The following ATAD5 variants were observed in gnomAD, a reference collection of about 807,000 sequenced individuals.
ATAD5 encodes ATPase family AAA domain-containing protein 5.
In ATAD5, 58 loss-of-function variants were observed where a neutral mutation model predicts 176.9. The ratio of observed to expected loss-of-function variants is 0.33; its 90% CI spans 0.27 to 0.41. The LOEUF is 0.41. Ranked by LOEUF, ATAD5 falls within the 10% of genes least tolerant of loss-of-function variation. The pLI, the probability that ATAD5 is intolerant of heterozygous loss-of-function variation, is 1.00. For synonymous variants in ATAD5, 640 were observed against 712.6 expected (o/e 0.90, Z 1.62); for missense variants, 1,789 against 2,094.1 (o/e 0.85, Z 2.84).
At chr17:30,860,150 A>C (rs1414461791) in intron 9 of ATAD5, among the ~76,000 whole-genome samples, 1 of 151,910 alleles carries the variant, frequency 6.6e-6, no homozygotes, top group Non-Finnish European at 1.5e-5. Flanking sequence ...CAGCCTCCCA[A>C]GTAGCTGGGA....
At chr17:30,858,025 T>G in intron 8 of ATAD5, 136 bp from the exon 9 acceptor site, 1 of 707,610 alleles carries the variant, frequency 1.4e-6, no homozygotes, top group Non-Finnish European at 2.0e-6. Flanking sequence ...AATATAGGCG[T>G]GAGCCACCAC....
chr17:30,841,995 G>A (rs995939511), intron 4 of ATAD5, among the ~76,000 whole-genome samples: 1 of 152,124 alleles, frequency 6.6e-6, no homozygotes, highest in Non-Finnish European at 1.5e-5. Context: ...AATGGGATGG[G>A]CACAGTGGCT....
intron 4 of ATAD5, among the ~76,000 whole-genome samples, chr17:30,843,157 G>C (rs1360848462): frequency 1.3e-5 from 2 of 151,862 alleles, no homozygotes; most frequent in African/African-American, 4.8e-5. Context: ...TTCGAGACCA[G>C]CCTGGTCAAC....
At chr17:30,847,716 C>CTTTTTTTTTTTTTTTTTT in intron 6 of ATAD5, among the ~76,000 whole-genome samples, 1 of 139,316 alleles carries the variant, frequency 7.2e-6, no homozygotes, top group Non-Finnish European at 1.6e-5. Context: ...CTGCTATGAA[C>CTTTTTTTTTTTTTTTTTT]ATTTTTTTTT....
At chr17:30,857,634 A>G (rs1164174591) in intron 8 of ATAD5, among the ~76,000 whole-genome samples, 2 of 152,228 alleles carry the variant, frequency 1.3e-5, no homozygotes, top group African/African-American at 4.8e-5. Flanking sequence ...ATTACATAGC[A>G]CATTTAGATA....
intron 5 of ATAD5, among the ~76,000 whole-genome samples, chr17:30,844,293 G>A (rs1478448414): frequency 1.3e-5 from 2 of 151,682 alleles, no homozygotes; most frequent in African/African-American, 4.8e-5. Context: ...CACCATGCCC[G>A]GCTAATTTTT....
chr17:30,834,600 A>G lies in ATAD5; in HGVS notation c.519A>G (p.Gln173=). The stretch of plus-strand genomic sequence containing the variant: ...TAGAGGTACTTGCAGAAAACATTCA[A>G]GATACAAAAAGTCAACCAAATACTA... ...KQVEVLAENI[Q]DTKSQPNTMT... Residue 173 remains glutamine (Q), a synonymous_variant, in exon 2 of 23, where the codon CAA becomes CAG. Coordinates refer to ENST00000321990, the MANE Select transcript of ATAD5 (RefSeq NM_024857.5). 1 of 1,611,400 alleles carries G rather than the reference A, an allele frequency of 6.2e-7. No homozygotes were observed. Among genetic ancestry groups the G allele is most frequent in the Non-Finnish European group, 8.5e-7 (1 of 1,179,420 alleles).
At chr17:30,892,487 G>T in intron 19 of ATAD5, 120 bp from the exon 20 acceptor site, 5 of 502,344 alleles carry the variant, frequency 1.0e-5, no homozygotes, top group Non-Finnish European at 1.7e-5. Context: ...AAACACATAT[G>T]TAGAGAACTA....
Position 30,893,848 on chromosome 17 carries a change from TGTAAG to T in ATAD5, c.4997_5001del (p.Val1666GlyfsTer7). ...CCTTCTTAGATGCACTTTTAACTGA[TGTAAG>T]GGAACAAAACAAATACGGTAGAAAT... On this transcript the variant is annotated frameshift_variant, in exon 21 of 23. Coordinates refer to ENST00000321990, the MANE Select transcript of ATAD5 (RefSeq NM_024857.5). LOFTEE classifies it high-confidence loss of function. The T allele has an allele frequency of 6.2e-7, 1 of 1,613,976 alleles. No individual in the cohort carries two copies. Among genetic ancestry groups the T allele is most frequent in the Non-Finnish European group, 8.5e-7 (1 of 1,179,892 alleles).
intron 6 of ATAD5, among the ~76,000 whole-genome samples, chr17:30,852,844 C>T (rs1907052385): frequency 6.6e-6 from 1 of 151,974 alleles, no homozygotes; most frequent in African/African-American, 2.4e-5. Context: ...GCCCCCATGA[C>T]CCCAAACACC....
intron 18 of ATAD5, among the ~76,000 whole-genome samples, chr17:30,886,439 G>A (rs973867240): frequency 6.7e-6 from 1 of 149,716 alleles, no homozygotes; most frequent in African/African-American, 2.5e-5. Flanking sequence ...TTGCTCCATC[G>A]CCGAGGCTGG....
In ATAD5 at chr17:30,832,352, TG is replaced by T; in HGVS notation, c.10del (p.Val4SerfsTer13). The T allele has an allele frequency of 1.3e-6, 2 of 1,559,590 alleles. No individual in the cohort carries two copies. The highest frequency in any genetic ancestry group is 1.7e-6 in the Non-Finnish European group (2 of 1,151,722). ...GGATTCCGGGAAGCGGGGAGTATGG[TG>T]GGGGTCCTGGCCATGGCGGCTGCAG... is the stretch of plus-strand genomic sequence containing the variant. M[V>X]GVLAMAAAAA... On this transcript the variant is annotated frameshift_variant, in exon 1 of 23. Transcript: ENST00000321990. LOFTEE classifies it high-confidence loss of function.
rs1013100163 is a variant in ATAD5 at position 30,834,818 on chromosome 17, C to T, written c.737C>T (p.Ala246Val). 5 of 1,613,730 alleles carry T rather than the reference C, an allele frequency of 3.1e-6. No individual in the cohort carries two copies. Among genetic ancestry groups the T allele is most frequent in the Non-Finnish European group, 4.2e-6 (5 of 1,179,922 alleles). The change falls in exon 2 of 23, where the codon GCA becomes GTA. Residue 246 changes from alanine to valine, a missense_variant. This residue lies in a region of ATAD5 where 696 missense variants were observed against 712.5 expected (regional missense o/e 0.98). Transcript: ENST00000321990. ...CAGATGGAGAATACTACAAGCCATG[C>T]AAACTCTAGAGATAACGTAACTGAA... The part of the protein sequence containing the change: ...TKQMENTTSH[A>V]NSRDNVTEAA...
chr17:30,848,190 CAGCAATGTATA>C (rs1226472996), intron 6 of ATAD5, among the ~76,000 whole-genome samples: 2 of 151,948 alleles, frequency 1.3e-5, no homozygotes, highest in Non-Finnish European at 2.9e-5. Flanking sequence ...ACACTCCCAC[CAGCAATGTATA>C]AGCGTTCTGG....
chr17:30,882,965 T>TG (rs1168026382), intron 18 of ATAD5, among the ~76,000 whole-genome samples: 2 of 152,126 alleles, frequency 1.3e-5, no homozygotes, highest in South Asian at 4.1e-4. Context: ...TGGTAATGGG[T>TG]GCAAAACTCT....
Position 30,887,249 on chromosome 17 carries a change from G to T in ATAD5, c.4135G>T (p.Val1379Leu). 6.2e-7 allele frequency: 1 copy of T among 1,606,878 alleles called. No individual in the cohort carries two copies. Among genetic ancestry groups the T allele is most frequent in the South Asian group, 1.1e-5 (1 of 89,120 alleles). The change falls in exon 19 of 23, where the codon GTA (valine) becomes TTA (leucine). Residue 1379 changes from valine (V) to leucine (L), a missense_variant. Around this residue, in one of 6 missense-constraint regions of ATAD5, gnomAD observed 194 missense variants for 270.1 expected, o/e 0.72. Transcript: ENST00000321990. The stretch of plus-strand genomic sequence containing the variant: ...CTTAACTGAGAATTTTAGAACTGAT[G>T]TAAAAGACTTTGTAACCTTGTTAAC... ...ICLTENFRTD[V>L]KDFVTLLTAN...
rs112211452 is a variant in ATAD5, at chr17:30,894,925, A to G, written c.*12A>G. On this transcript the variant is annotated 3_prime_UTR_variant, in exon 23 of 23. Transcript: ENST00000321990. Reference sequence around the variant, plus strand: ...CTGACTTCCCTTAATGTTCCATACTAACAATGCTTTGTATAGATTATCATG... The same window carrying G: ...CTGACTTCCCTTAATGTTCCATACTGACAATGCTTTGTATAGATTATCATG... 2.6e-6 allele frequency: 4 copies of G among 1,564,246 alleles called. No individual in the cohort carries two copies. In the East Asian group the frequency reaches 9.0e-5, roughly 35 times the overall value.
intron 10 of ATAD5, among the ~76,000 whole-genome samples, chr17:30,863,731 C>G (rs1597976869): frequency 7.1e-6 from 1 of 140,588 alleles, no homozygotes; most frequent in Admixed American, 7.5e-5. Context: ...GTGGCACAAT[C>G]TCGGCTCACT....
At chr17:30,882,726 C>T (rs974026505) in intron 18 of ATAD5, among the ~76,000 whole-genome samples, 3 of 152,320 alleles carry the variant, frequency 2.0e-5, no homozygotes, top group East Asian at 1.9e-4. Flanking sequence ...GTCTCCACTA[C>T]CCAAATGAAG....
Sources: gnomAD v4.1 joint callset for allele counts (sites outside exome capture counted in the v4.1 genomes callset) on GRCh38, gnomAD v4.1.1 for gene constraint, gnomAD v4.1.1 regional missense constraint, MANE v1.5 for transcripts, NCBI Gene and HGNC (gene_info 2026-07-23, HGNC 2026-07-21) for gene names.